The following GHR variants were observed in gnomAD, a reference collection of about 807,000 sequenced individuals.
GHR encodes growth hormone receptor.
In GHR, 35 loss-of-function variants were observed where a neutral mutation model predicts 67.1. The observed-to-expected ratio is 0.52, with a 90% CI of 0.40 to 0.69. The LOEUF is 0.69. Among genes scored for constraint, GHR ranks in the 30% least tolerant of loss-of-function variants. The probability of loss-of-function intolerance (pLI) is 0.00; values close to 1 mark genes in which losing one functional copy is unlikely to be tolerated. For synonymous variants in GHR, 272 were observed against 269.1 expected (o/e 1.01, Z -0.10); for missense variants, 792 against 764.6 (o/e 1.04, Z -0.42).
intron 2 of GHR, among the ~76,000 whole-genome samples, chr5:42,591,545 C>G (rs1480458055): frequency 6.6e-6 from 1 of 152,198 alleles, no homozygotes; most frequent in Non-Finnish European, 1.5e-5. Context: ...GACTGTTCCA[C>G]TAATCTGCGG....
intron 1 of GHR, among the ~76,000 whole-genome samples, chr5:42,430,249 G>A (rs940417079): frequency 6.6e-6 from 1 of 152,204 alleles, no homozygotes; most frequent in African/African-American, 2.4e-5. Flanking sequence ...CCTACCTGGT[G>A]TGACTGATTT....
chr5:42,604,417 C>G (rs769833060), intron 2 of GHR, among the ~76,000 whole-genome samples: 1 of 152,180 alleles, frequency 6.6e-6, no homozygotes, highest in Non-Finnish European at 1.5e-5. Context: ...GGGAATGGGG[C>G]AGGACCTTTT....
At chr5:42,621,145 T>C (rs1753423689) in intron 2 of GHR, among the ~76,000 whole-genome samples, 1 of 152,088 alleles carries the variant, frequency 6.6e-6, no homozygotes, top group Non-Finnish European at 1.5e-5. Flanking sequence ...AAGCAGCTTT[T>C]GGGGTGGCTA....
In GHR at chr5:42,442,193, T is replaced by C. The variant is rs186151938; in HGVS notation, c.-12+18238T>C. ...GCATACTAGGAAGGAAAGGGGATCA[T>C]TTCAGATATTTGAGGAGGACAGAGT... On this transcript the variant is annotated intron_variant, in intron 1 of 9. Transcript: ENST00000230882. Among the ~76,000 whole-genome samples, 11 of 152,180 alleles carry C rather than the reference T, an allele frequency of 7.2e-5. No homozygotes were observed. In the East Asian group the frequency reaches 1.5e-3, roughly 21 times the overall value.
intron 3 of GHR, among the ~76,000 whole-genome samples, chr5:42,686,020 C>A (rs1412046311): frequency 6.6e-6 from 1 of 152,132 alleles, no homozygotes; most frequent in Admixed American, 6.5e-5. Flanking sequence ...TTTGCTCATG[C>A]CTATTTCCTG....
At chr5:42,649,815 A>G (rs368942621) in intron 3 of GHR, among the ~76,000 whole-genome samples, 1 of 152,194 alleles carries the variant, frequency 6.6e-6, no homozygotes, top group East Asian at 1.9e-4. Context: ...TTCTGCAAAC[A>G]TTTTGAAAAT....
rs946892751 is a variant in GHR at position 42,424,489 on chromosome 5, A to G, written c.-12+534A>G. 27 of 1,008,914 alleles carry G rather than the reference A, an allele frequency of 2.7e-5. No homozygotes were observed. Among genetic ancestry groups the G allele is most frequent in the Non-Finnish European group, 4.0e-5 (27 of 668,126 alleles). The allele number at this position is 1,008,914 out of a possible 1,614,324, so 62.5% of individuals were successfully genotyped here. A position where few individuals can be genotyped will look rare whatever the true frequency, so the allele number is the denominator to read the frequency against. On this transcript the variant is annotated intron_variant, in intron 1 of 9. Transcript: ENST00000230882. The surrounding 1 kb of genome is among the most constrained non-coding windows in gnomAD (Gnocchi z 4.1). The stretch of plus-strand genomic sequence containing the variant: ...GAGGTCGAGCTGTGCGCGTGGACAC[A>G]GCGCGCAGAGCGCGCGGTCTTTTGC...
intron 3 of GHR, among the ~76,000 whole-genome samples, chr5:42,632,307 A>C (rs1203669377): frequency 1.3e-5 from 2 of 152,084 alleles, no homozygotes; most frequent in Non-Finnish European, 2.9e-5. Context: ...CCCACCTTTA[A>C]GTTTCAGTCA....
At chr5:42,635,835 T>C (rs1203279697) in intron 3 of GHR, among the ~76,000 whole-genome samples, 1 of 152,134 alleles carries the variant, frequency 6.6e-6, no homozygotes. Context: ...TCTATTTCTT[T>C]TGGAACTCAA....
intron 2 of GHR, chr5:42,619,678 C>T (rs1224654521): frequency 4.6e-5 from 7 of 151,970 alleles, no homozygotes; most frequent in East Asian, 1.9e-4. Flanking sequence ...TCCAAGAGAA[C>T]GAAATTTATT....
intron 1 of GHR, among the ~76,000 whole-genome samples, chr5:42,524,362 G>C (rs1002288529): frequency 2.6e-5 from 4 of 152,250 alleles, no homozygotes; most frequent in Non-Finnish European, 5.9e-5. Context: ...AAAAAGACTG[G>C]CAGCATTTTG....
intron 2 of GHR, among the ~76,000 whole-genome samples, chr5:42,614,659 A>C (rs1184807220): frequency 7.0e-6 from 1 of 142,064 alleles, no homozygotes; most frequent in Non-Finnish European, 1.5e-5. Flanking sequence ...AAAGAAAAAT[A>C]CTGCTGTTTC....
chr5:42,474,295 G>GAAAGAAA (rs147851081), intron 1 of GHR, among the ~76,000 whole-genome samples: 2 of 81,070 alleles, frequency 2.5e-5, no homozygotes, highest in African/African-American at 1.1e-4. Flanking sequence ...AAAAGAGAAA[G>GAAAGAAA]AGAAAGAAAG....
chr5:42,459,786 C>T (rs1412058805), intron 1 of GHR, among the ~76,000 whole-genome samples: 1 of 152,104 alleles, frequency 6.6e-6, no homozygotes, highest in African/African-American at 2.4e-5. Context: ...TGTCCTAATC[C>T]GCTAGTGATG....
intron 3 of GHR, among the ~76,000 whole-genome samples, chr5:42,676,085 G>C (rs146463094): frequency 0.012 from 1,776 of 152,292 alleles, 43 homozygotes; most frequent in African/African-American, 0.041. Flanking sequence ...AGGAGATCGA[G>C]ACCCTCCTGG....
intron 1 of GHR, among the ~76,000 whole-genome samples, chr5:42,490,495 CATG>C (rs1331947916): frequency 1.3e-5 from 2 of 152,166 alleles, no homozygotes; most frequent in African/African-American, 4.8e-5. Context: ...GAAAGATCAG[CATG>C]ATATTAGGGG....
intron 3 of GHR, among the ~76,000 whole-genome samples, chr5:42,648,509 A>G (rs2112814538): frequency 6.6e-6 from 1 of 152,216 alleles, no homozygotes; most frequent in East Asian, 1.9e-4. Flanking sequence ...TGTCTTCCTG[A>G]CTTCTTCTCT....
At chr5:42,712,898 G>A (rs985750967) in intron 7 of GHR, among the ~76,000 whole-genome samples, 25 of 150,800 alleles carry the variant, frequency 1.7e-4, no homozygotes, top group Middle Eastern at 3.5e-3. Flanking sequence ...ATATAAATAC[G>A]TATATTTATA....
At chr5:42,705,173 T>G (rs968508278) in intron 6 of GHR, among the ~76,000 whole-genome samples, 3 of 151,926 alleles carry the variant, frequency 2.0e-5, no homozygotes, top group African/African-American at 7.2e-5. Context: ...CATTTATTTC[T>G]GTTCTGATCT....
Sources: gnomAD v4.1 joint callset for allele counts (sites outside exome capture counted in the v4.1 genomes callset) on GRCh38, gnomAD v4.1.1 for gene constraint, Gnocchi (gnomAD v3.1) non-coding constraint, MANE v1.5 for transcripts, NCBI Gene and HGNC (gene_info 2026-07-23, HGNC 2026-07-21) for gene names.